The following NR4A1 variants were observed in gnomAD, a reference collection of about 807,000 sequenced individuals.
NR4A1 encodes the protein nuclear receptor subfamily 4immunitygroup A member 1.
In NR4A1, 24 loss-of-function variants were observed where a neutral mutation model predicts 47.5. The observed-to-expected ratio is 0.50, with a 90% CI of 0.37 to 0.71. NR4A1 has a LOEUF of 0.71. Ranked by LOEUF, NR4A1 falls within the 30% of genes least tolerant of loss-of-function variation. NR4A1 has a pLI of 0.00. For synonymous variants in NR4A1, 353 were observed against 345.7 expected, an observed-to-expected ratio of 1.02 and a Z score of -0.24; for missense variants, 669 against 788.6, an observed-to-expected ratio of 0.85 and a Z score of 1.82.
chr12:52,034,824 G>A (rs1046350028), intron 1 of NR4A1, among the ~76,000 whole-genome samples: 5 of 152,342 alleles, frequency 3.3e-5, no homozygotes, highest in South Asian at 2.1e-4. Flanking sequence ...CACCTTGGAT[G>A]TACAGCTTCA....
intron 1 of NR4A1, among the ~76,000 whole-genome samples, chr12:52,035,451 T>A: frequency 6.6e-6 from 1 of 152,020 alleles, no homozygotes; most frequent in African/African-American, 2.4e-5. Context: ...TATTTTAAAA[T>A]GTATTTCAAA....
chr12:52,041,784 C>A (rs1481467784), intron 1 of NR4A1: 2 of 1,301,838 alleles, frequency 1.5e-6, no homozygotes, highest in Non-Finnish European at 2.0e-6. Flanking sequence ...GGTTTCTCTT[C>A]ACTCACATCG....
intron 1 of NR4A1, among the ~76,000 whole-genome samples, chr12:52,025,306 C>A (rs1189304685): frequency 6.6e-6 from 1 of 152,146 alleles, no homozygotes; most frequent in Admixed American, 6.5e-5. Flanking sequence ...GGTGATCCAC[C>A]TGCCTCGGCC....
intron 1 of NR4A1, among the ~76,000 whole-genome samples, chr12:52,028,301 A>T (rs1283174): frequency 2.0e-5 from 3 of 151,656 alleles, no homozygotes; most frequent in Non-Finnish European, 2.9e-5. Context: ...AGGGGCCGGG[A>T]GCAGTGGCTC....
chr12:52,050,572 G>C (rs1289190493), upstream of NR4A1, among the ~76,000 whole-genome samples: 1 of 152,240 alleles, frequency 6.6e-6, no homozygotes, highest in African/African-American at 2.4e-5. Context: ...CACTCCCCCT[G>C]TAAGGGGCTG....
chr12:52,032,598 G>A (rs1938149592), intron 1 of NR4A1, among the ~76,000 whole-genome samples: 1 of 152,196 alleles, frequency 6.6e-6, no homozygotes, highest in South Asian at 2.1e-4. Context: ...TGTCAGCCCG[G>A]GGACAGGAGC....
chr12:52,059,216 G>A lies in NR4A1; in HGVS notation c.*272G>A, dbSNP rs976389049. ...TAAACCGTTTTTAACACATAGCGCC[G>A]TGCTGTAAATAAGCCCAGTGCTGCT... On this transcript the variant is annotated 3_prime_UTR_variant, in exon 7 of 7. Transcript: ENST00000394825. 71 of 456,530 alleles carry A rather than the reference G, an allele frequency of 1.6e-4. No homozygotes were observed. The highest frequency in any genetic ancestry group is 1.3e-3 in the African/African-American group (63 of 49,950). 28.3% of individuals were successfully genotyped at this position (456,530 alleles called of 1,614,324 possible). A position where few individuals can be genotyped will look rare whatever the true frequency, so the allele number is the denominator to read the frequency against.
intron 1 of NR4A1, among the ~76,000 whole-genome samples, chr12:52,023,605 G>C (rs1159720637): frequency 6.6e-6 from 1 of 150,942 alleles, no homozygotes; most frequent in Non-Finnish European, 1.5e-5. Context: ...AGACACGGGC[G>C]CCTCTGCACT....
At chr12:52,038,025 G>A (rs528986210) in intron 1 of NR4A1, 1 of 986,552 alleles carries the variant, frequency 1.0e-6, no homozygotes, top group Non-Finnish European at 1.2e-6. Flanking sequence ...TGGAGGGCAG[G>A]GCACAGTTCC....
chr12:52,024,054 C>T (rs1937949916), intron 1 of NR4A1, among the ~76,000 whole-genome samples: 2 of 152,262 alleles, frequency 1.3e-5, no homozygotes, highest in African/African-American at 4.8e-5. Flanking sequence ...CGCGGCCTCT[C>T]TGAGGCTTGG....
intron 2 of NR4A1, among the ~76,000 whole-genome samples, chr12:52,044,352 G>A (rs1165436891): frequency 6.6e-6 from 1 of 152,194 alleles, no homozygotes; most frequent in Non-Finnish European, 1.5e-5. Flanking sequence ...TCCCTGGCCT[G>A]CCCCGCTTGC....
intron 1 of NR4A1, among the ~76,000 whole-genome samples, chr12:52,023,370 G>A (rs980091752): frequency 1.3e-5 from 2 of 152,150 alleles, no homozygotes; most frequent in African/African-American, 4.8e-5. Context: ...GCGTGCCGCC[G>A]CCGCGAGTGG....
At chr12:52,042,309 C>T (rs947838619) in intron 2 of NR4A1, among the ~76,000 whole-genome samples, 4 of 151,916 alleles carry the variant, frequency 2.6e-5, no homozygotes, top group Admixed American at 6.5e-5. Context: ...GACGTGGCAG[C>T]GGGGAACTGG....
At chr12:52,045,941 C>G (rs1938616873) in intron 2 of NR4A1, among the ~76,000 whole-genome samples, 1 of 152,186 alleles carries the variant, frequency 6.6e-6, no homozygotes, top group Non-Finnish European at 1.5e-5. Flanking sequence ...CTGCCTACTG[C>G]CAAAGCAGGA....
At position 52,056,591 on chromosome 12, in the gene NR4A1, G is replaced by C; in HGVS notation, c.1104G>C (p.Leu368=). Reference sequence around the variant, plus strand: ...CCCCTGCCAATCTCCTCACTTCCCTGGTCCGTGCACACCTGGACTCAGGGC... The same window carrying C: ...CCCCTGCCAATCTCCTCACTTCCCTCGTCCGTGCACACCTGGACTCAGGGC... ...DASPANLLTS[L]VRAHLDSGPS... Residue 368 remains leucine, a synonymous_variant, in exon 4 of 7, where the codon CTG becomes CTC. Transcript: ENST00000394825. The C allele has an allele frequency of 6.2e-7, 1 of 1,613,614 alleles. No homozygotes were observed. Among genetic ancestry groups the C allele is most frequent in the South Asian group, 1.1e-5 (1 of 91,040 alleles).
chr12:52,044,007 G>T, intron 2 of NR4A1: 1 of 1,124,774 alleles, frequency 8.9e-7, no homozygotes, highest in Admixed American at 2.4e-5. Flanking sequence ...GCCTTGGGCT[G>T]CGGGGAGGAA....
rs146307869 is a variant in NR4A1, at chr12:52,058,779, C to T, written c.1632C>T (p.Gly544=). The change falls in exon 7 of 7, where the codon GGC becomes GGT. Residue 544 remains glycine (G), a synonymous_variant. Transcript: ENST00000394825. The part of the protein sequence containing the change: ...CLKEHVAAVA[G]EPQPASCLSR... ...AGGAGCACGTGGCAGCTGTGGCGGG[C>T]GAGCCCCAGCCAGCCAGCTGCCTGT... 241 of 1,607,478 alleles carry T rather than the reference C, an allele frequency of 1.5e-4. No individual in the cohort carries two copies. In the African/African-American group the frequency reaches 2.8e-3, roughly 19 times the overall value.
At chr12:52,027,541 CT>C in intron 1 of NR4A1, among the ~76,000 whole-genome samples, 1 of 152,250 alleles carries the variant, frequency 6.6e-6, no homozygotes, top group Admixed American at 6.5e-5. Context: ...GCACTTGGAT[CT>C]CTGCAGACAG....
In NR4A1 at chr12:52,059,291, G is replaced by T; in HGVS notation, c.*347G>T. 4.5e-6 allele frequency: 1 copy of T among 220,200 alleles called. No individual in the cohort carries two copies. The allele number at this position is 220,200 out of a possible 1,614,324, so 13.6% of individuals were successfully genotyped here. On this transcript the variant is annotated 3_prime_UTR_variant, in exon 7 of 7. Transcript: ENST00000394825. ...AGGTGGGAGCGGGGCTGGGAGGAAG[G>T]GATGGGCCCCGCCTTCCTGGGCAGC...
Sources: allele counts gnomAD v4.1 joint callset (sites outside exome capture counted in the v4.1 genomes callset), GRCh38; gene constraint gnomAD v4.1.1; transcripts MANE v1.5; gene names NCBI Gene and HGNC (gene_info 2026-07-23, HGNC 2026-07-21).